Variants in EYS observed in about 807,000 individuals in gnomAD.
The protein encoded by EYS is protein eyes shut homolog.
EYS carries 250 observed loss-of-function variants against 282.1 expected under a neutral mutation model. The observed-to-expected ratio is 0.89, with a 90% CI of 0.80 to 0.98. The LOEUF is 0.98. Among genes scored for constraint, EYS ranks in the 50% least tolerant of loss-of-function variants. The pLI, the probability that EYS is intolerant of heterozygous loss-of-function variation, is 0.00. For missense variants in EYS, 4,016 were observed against 3,709.0 expected (o/e 1.08, Z -2.15); for synonymous variants, 1,355 against 1,282.9 (o/e 1.06, Z -1.20).
intron 30 of EYS, among the ~76,000 whole-genome samples, chr6:64,260,719 T>C (rs1767559191): frequency 6.6e-6 from 1 of 152,084 alleles, no homozygotes; most frequent in Non-Finnish European, 1.5e-5. Context: ...TATGCTTTTA[T>C]TCTATAGTTT....
chr6:65,072,820 T>A (rs1302776597), intron 12 of EYS, among the ~76,000 whole-genome samples: 1 of 149,438 alleles, frequency 6.7e-6, no homozygotes, highest in African/African-American at 2.5e-5. Context: ...TTGAAAAAAA[T>A]CAAGTAAAAA....
Position 63,819,303 on chromosome 6 carries a change from T to C in EYS, c.7229-12931A>G, listed in dbSNP as rs137861535. Among the ~76,000 whole-genome samples the C allele has an allele frequency of 7.0e-3, 1,072 of 152,342 alleles. 5 individuals are homozygous for C. The highest frequency in any genetic ancestry group is 0.014 in the Middle Eastern group (4 of 292). On this transcript the variant is annotated intron_variant, in intron 36 of 42. Transcript: ENST00000503581. ...CATGGAAGCCTGAAAGGGAGGTGGA[T>C]GATGTAAATTCTGATTCAATAGGAC... is the stretch of plus-strand genomic sequence containing the variant.
intron 22 of EYS, among the ~76,000 whole-genome samples, chr6:64,799,037 C>T (rs759133268): frequency 6.6e-6 from 1 of 151,822 alleles, no homozygotes; most frequent in South Asian, 2.1e-4. Context: ...TTCTAAAATA[C>T]AAATTTGACC....
At chr6:64,402,253 T>C (rs1773558326) in intron 28 of EYS, among the ~76,000 whole-genome samples, 1 of 152,180 alleles carries the variant, frequency 6.6e-6, no homozygotes, top group Non-Finnish European at 1.5e-5. Context: ...TACATATTGC[T>C]TTCTCCTTTT....
intron 12 of EYS, among the ~76,000 whole-genome samples, chr6:65,263,352 G>A (rs1014465940): frequency 2.0e-4 from 31 of 151,828 alleles, no homozygotes; most frequent in African/African-American, 7.3e-4. Flanking sequence ...AAAATAAACA[G>A]ACAATGTAAG....
At chr6:64,315,987 T>G (rs1769945021) in intron 29 of EYS, among the ~76,000 whole-genome samples, 1 of 152,216 alleles carries the variant, frequency 6.6e-6, no homozygotes, top group African/African-American at 2.4e-5. Flanking sequence ...TCTCAATAGA[T>G]GCAGAAAATG....
chr6:64,686,871 G>GTA (rs376194212), intron 22 of EYS, among the ~76,000 whole-genome samples: 1 of 105,938 alleles, frequency 9.4e-6, no homozygotes, highest in Non-Finnish European at 1.9e-5. Flanking sequence ...ATATATACGT[G>GTA]TATATATATA....
intron 22 of EYS, among the ~76,000 whole-genome samples, chr6:64,810,726 A>T (rs568944793): frequency 6.6e-6 from 1 of 152,194 alleles, no homozygotes; most frequent in East Asian, 1.9e-4. Flanking sequence ...CTTGCAAGTA[A>T]GACCTCAGGA....
chr6:64,053,490 A>G (rs115866613), intron 33 of EYS, among the ~76,000 whole-genome samples: 354 of 152,272 alleles, frequency 2.3e-3, no homozygotes, highest in Non-Finnish European at 3.1e-3. Flanking sequence ...GATTAGAGTT[A>G]GACTCTGGAT....
At chr6:64,160,700 C>G (rs77535467) in intron 31 of EYS, among the ~76,000 whole-genome samples, 2 of 152,014 alleles carry the variant, frequency 1.3e-5, no homozygotes, top group Non-Finnish European at 2.9e-5. Context: ...GGCCATGGGA[C>G]GTTGAAGAAT....
rs150909900 is a variant in EYS, at chr6:65,099,773, A to C, written c.2024-42046T>G. ...AAATGTGTTTTTATTACAAAACATA[A>C]AAATATTGTACACCAACATATCTCC... On this transcript the variant is annotated intron_variant, in intron 12 of 42. Coordinates refer to ENST00000503581, the MANE Select transcript of EYS (RefSeq NM_001142800.2). Among the ~76,000 whole-genome samples, 47 of 150,988 alleles carry C rather than the reference A, an allele frequency of 3.1e-4. No homozygotes were observed. In the East Asian group the frequency reaches 8.9e-3, roughly 29 times the overall value.
chr6:64,246,398 A>AT (rs1381253213), intron 30 of EYS, among the ~76,000 whole-genome samples: 1 of 152,204 alleles, frequency 6.6e-6, no homozygotes, highest in Admixed American at 6.5e-5. Flanking sequence ...CTCAGAATGC[A>AT]TATCTCCTAA....
chr6:65,221,064 T>C (rs887632047), intron 12 of EYS, among the ~76,000 whole-genome samples: 1 of 152,182 alleles, frequency 6.6e-6, no homozygotes, highest in Admixed American at 6.5e-5. Flanking sequence ...CATTCAATTT[T>C]ATGTATTCAC....
intron 36 of EYS, among the ~76,000 whole-genome samples, chr6:63,860,375 A>T (rs936233349): frequency 2.5e-4 from 38 of 152,224 alleles, no homozygotes; most frequent in African/African-American, 9.2e-4. Context: ...GTCACCTAAG[A>T]TGCCTGCTAA....
intron 7 of EYS, among the ~76,000 whole-genome samples, chr6:65,393,624 T>C (rs539794315): frequency 4.6e-5 from 7 of 152,284 alleles, no homozygotes; most frequent in Non-Finnish European, 1.0e-4. Context: ...ACTTAGTTAG[T>C]TATATTTGTG....
intron 1 of EYS, among the ~76,000 whole-genome samples, chr6:65,704,031 A>G (rs1769779877): frequency 6.6e-6 from 1 of 152,092 alleles, no homozygotes; most frequent in Non-Finnish European, 1.5e-5. Context: ...TGGAAGCAAT[A>G]TTAGGCAGAG....
chr6:64,037,693 C>T (rs1309669638), intron 33 of EYS, among the ~76,000 whole-genome samples: 7 of 152,160 alleles, frequency 4.6e-5, no homozygotes, highest in Non-Finnish European at 1.0e-4. Context: ...AATAAACACA[C>T]ACATGCAGAT....
At chr6:65,257,673 GC>G (rs1767506175) in intron 12 of EYS, among the ~76,000 whole-genome samples, 1 of 151,766 alleles carries the variant, frequency 6.6e-6, no homozygotes, top group South Asian at 2.1e-4. Context: ...GGTTACTGTA[GC>G]CTTGTAGTAT....
At chr6:64,077,789 T>A (rs747047491) in intron 32 of EYS, among the ~76,000 whole-genome samples, 2 of 152,050 alleles carry the variant, frequency 1.3e-5, no homozygotes, top group African/African-American at 2.4e-5. Flanking sequence ...GCTCATTTTC[T>A]GAAAGTGCAC....
Sources: gnomAD v4.1 joint callset for allele counts (sites outside exome capture counted in the v4.1 genomes callset) on GRCh38, gnomAD v4.1.1 for gene constraint, MANE v1.5 for transcripts, NCBI Gene and HGNC (gene_info 2026-07-23, HGNC 2026-07-21) for gene names.